The following HORMAD2 variants were observed in gnomAD, a reference collection of about 807,000 sequenced individuals.
HORMAD2 encodes the protein HORMA domain-containing protein 2.
In HORMAD2, 45 loss-of-function variants were observed where a neutral mutation model predicts 38.8. The ratio of observed to expected loss-of-function variants is 1.16; its 90% confidence interval spans 0.91 to 1.49. HORMAD2 has a LOEUF of 1.49. HORMAD2 is among the 40% of genes most tolerant of loss of function. HORMAD2 has a pLI of 0.00. For missense variants in HORMAD2, 338 were observed against 367.0 expected (o/e 0.92, Z 0.65); for synonymous variants, 126 against 122.8 (o/e 1.03, Z -0.17).
intron 9 of HORMAD2, 39 bp downstream of exon 9, chr22:30,121,828 T>G (rs1922462979): frequency 1.9e-6 from 3 of 1,574,836 alleles, no homozygotes; most frequent in Non-Finnish European, 2.6e-6. Context: ...CCTTAAGTGC[T>G]GAGCTAATAT....
chr22:30,158,267 A>AT (rs1925206545), intron 10 of HORMAD2, among the ~76,000 whole-genome samples: 2 of 152,076 alleles, frequency 1.3e-5, no homozygotes. Context: ...TAAAAAAAAA[A>AT]CAAAAACAAA....
chr22:30,200,445 G>A, the HORMAD2 span, among the ~76,000 whole-genome samples: 1 of 152,106 alleles, frequency 6.6e-6, no homozygotes, highest in South Asian at 2.1e-4. Context: ...ACGGCTTTGG[G>A]TGCTACTGTG....
intron 10 of HORMAD2, among the ~76,000 whole-genome samples, chr22:30,164,599 T>C (rs1244028540): frequency 6.6e-6 from 1 of 152,224 alleles, no homozygotes; most frequent in African/African-American, 2.4e-5. Flanking sequence ...CATATCTTAT[T>C]TAGAGAAATG....
intron 10 of HORMAD2, among the ~76,000 whole-genome samples, chr22:30,163,612 G>C (rs528302189): frequency 2.0e-5 from 3 of 151,926 alleles, no homozygotes; most frequent in Non-Finnish European, 4.4e-5. Context: ...ATTTTTTGTA[G>C]AGATGAAGTT....
At position 30,173,544 on chromosome 22, in the gene HORMAD2, C is replaced by T. The variant is rs367994445; in HGVS notation, c.820-2519C>T. Among the ~76,000 whole-genome samples the T allele has an allele frequency of 1.9e-4, 29 of 152,256 alleles. No individual in the cohort carries two copies. The East Asian group carries it at 2.9e-3, about 15-fold the overall frequency. On this transcript the variant is annotated intron_variant, in intron 10 of 10. Coordinates refer to ENST00000336726, the MANE Select transcript of HORMAD2 (RefSeq NM_152510.4). ...CTTGGACACCTTGGGTGAGTGAGAA[C>T]GAAGATTGGGAACAGGCTTAGAGAA...
At chr22:30,165,988 C>A (rs924211990) in intron 10 of HORMAD2, among the ~76,000 whole-genome samples, 9 of 141,358 alleles carry the variant, frequency 6.4e-5, no homozygotes, top group African/African-American at 2.8e-4. Context: ...ATTCTTCATT[C>A]TTCTTCTTTT....
intron 10 of HORMAD2, among the ~76,000 whole-genome samples, chr22:30,148,960 CAG>C (rs1381698068): frequency 1.3e-5 from 2 of 151,916 alleles, no homozygotes; most frequent in African/African-American, 4.8e-5. Flanking sequence ...GCCTGGGTGA[CAG>C]AGCGAGACTC....
chr22:30,141,079 C>A (rs1384844715), intron 10 of HORMAD2, among the ~76,000 whole-genome samples: 1 of 152,072 alleles, frequency 6.6e-6, no homozygotes, highest in Non-Finnish European at 1.5e-5. Context: ...CTCACTGCAA[C>A]CTCTGCCTCC....
At chr22:30,160,997 A>G (rs998510211) in intron 10 of HORMAD2, among the ~76,000 whole-genome samples, 4 of 152,138 alleles carry the variant, frequency 2.6e-5, no homozygotes, top group African/African-American at 9.7e-5. Context: ...TTTCTCTTCA[A>G]TTGAATTTAG....
chr22:30,201,015 G>T, the HORMAD2 span, among the ~76,000 whole-genome samples: 3 of 152,134 alleles, frequency 2.0e-5, no homozygotes, highest in African/African-American at 7.2e-5. Flanking sequence ...CTCCCAAAGT[G>T]CTGGGATTAT....
the HORMAD2 span, among the ~76,000 whole-genome samples, chr22:30,192,476 G>A: frequency 6.6e-6 from 1 of 152,110 alleles, no homozygotes; most frequent in African/African-American, 2.4e-5. Context: ...ATGGACCAGT[G>A]TGGCAGGATT....
At chr22:30,105,096 A>T (rs1468187866) in intron 5 of HORMAD2, 1 of 163,472 alleles carries the variant, frequency 6.1e-6, no homozygotes, top group Non-Finnish European at 1.4e-5. Flanking sequence ...CAGGGGGCTC[A>T]GTCCTTGGCA....
At chr22:30,152,117 A>C (rs144877611) in intron 10 of HORMAD2, among the ~76,000 whole-genome samples, 1 of 150,370 alleles carries the variant, frequency 6.7e-6, no homozygotes, top group African/African-American at 2.5e-5. Context: ...TTCCCCAACT[A>C]CTCTCTTCAA....
In HORMAD2 at chr22:30,118,912, T is replaced by A. The variant is rs1569095904; in HGVS notation, c.343-68T>A. The A allele has an allele frequency of 3.8e-6, 4 of 1,040,490 alleles. No individual in the cohort carries two copies. In the East Asian group the frequency reaches 1.0e-4, roughly 27 times the overall value. 64.5% of individuals were successfully genotyped at this position (1,040,490 alleles called of 1,614,324 possible). ...ATACAGTGAAAATGTTCCTTACTTA[T>A]GATCAGGTAAGATTCTGGATTTCTT... is the stretch of plus-strand genomic sequence containing the variant. On this transcript the variant is annotated intron_variant, in intron 7 of 10. Transcript: ENST00000336726.
At chr22:30,138,048 TC>T (rs1226509774) in intron 10 of HORMAD2, among the ~76,000 whole-genome samples, 2 of 152,200 alleles carry the variant, frequency 1.3e-5, no homozygotes, top group African/African-American at 4.8e-5. Context: ...TTCCAATTTC[TC>T]CACATCCTTA....
the HORMAD2 span, chr22:30,192,000 T>C: frequency 1.3e-5 from 2 of 152,218 alleles, no homozygotes; most frequent in Non-Finnish European, 2.9e-5. Context: ...CCAAAAAATT[T>C]TGTTATTTCC....
intron 10 of HORMAD2, among the ~76,000 whole-genome samples, chr22:30,155,198 G>T (rs1411759577): frequency 4.6e-5 from 7 of 151,872 alleles, no homozygotes; most frequent in Non-Finnish European, 1.0e-4. Flanking sequence ...GTTTTATTTG[G>T]TCACTTGATT....
At chr22:30,121,907 C>A in intron 9 of HORMAD2, 57 bp from the exon 10 acceptor site, 3 of 1,563,366 alleles carry the variant, frequency 1.9e-6, no homozygotes, top group South Asian at 1.2e-5. Flanking sequence ...AAAGATTAAT[C>A]GGATTTGTTG....
intron 10 of HORMAD2, among the ~76,000 whole-genome samples, chr22:30,123,098 A>G (rs1341836443): frequency 6.6e-6 from 1 of 152,204 alleles, no homozygotes; most frequent in East Asian, 1.9e-4. Flanking sequence ...TGTTTAATAC[A>G]TTGAAAAGAG....
Sources: allele counts gnomAD v4.1 joint callset (sites outside exome capture counted in the v4.1 genomes callset), GRCh38; gene constraint gnomAD v4.1.1; transcripts MANE v1.5; gene names NCBI Gene and HGNC (gene_info 2026-07-23, HGNC 2026-07-21).